The following ZAN variants were observed in gnomAD, a reference collection of about 807,000 sequenced individuals.
ZAN encodes the protein zonadhesin, also known as zonadhesin (gene/pseudogene).
In ZAN, 260 loss-of-function variants were observed where a neutral mutation model predicts 286.2. The ratio of observed to expected loss-of-function variants is 0.91; its 90% CI spans 0.82 to 1.01. The LOEUF is 1.01. ZAN is among the 50% of genes least tolerant of loss of function. The probability of loss-of-function intolerance (pLI) is 0.00; values close to 1 mark genes in which losing one functional copy is unlikely to be tolerated. For missense variants in ZAN, 3,410 were observed against 3,639.2 expected, an observed-to-expected ratio of 0.94 and a Z score of 1.62; for synonymous variants, 1,368 against 1,417.5, an observed-to-expected ratio of 0.97 and a Z score of 0.79.
chr7:100,755,902 T>A (rs538434739), intron 15 of ZAN, among the ~76,000 whole-genome samples: 35 of 152,178 alleles, frequency 2.3e-4, no homozygotes, highest in Non-Finnish European at 3.4e-4. Flanking sequence ...TTTATTTTAT[T>A]TTTTTTGAGG....
At chr7:100,745,723 T>TAA (rs58506423) in intron 7 of ZAN, among the ~76,000 whole-genome samples, 1 of 133,508 alleles carries the variant, frequency 7.5e-6, no homozygotes, top group African/African-American at 2.8e-5. Flanking sequence ...GCCCATCTCT[T>TAA]AAAAAAAAAA....
rs1809788786 is a variant in ZAN at position 100,764,140 on chromosome 7, C to T, written c.4211C>T (p.Thr1404Ile). The T allele has an allele frequency of 6.2e-7, 1 of 1,609,840 alleles. No homozygotes were observed. Among genetic ancestry groups the T allele is most frequent in the African/African-American group, 1.3e-5 (1 of 74,944 alleles). ...TGCACACACATGTCCACCATGACCA[C>T]CACCTGCCAGGACGCAGGCCACGCT... is the stretch of plus-strand genomic sequence containing the variant. ...LLCTHMSTMT[T>I]TCQDAGHAVK... The change falls in exon 22 of 48, where the codon ACC becomes ATC. Residue 1404 changes from threonine (T) to isoleucine (I), a missense_variant. Transcript: ENST00000613979.
chr7:100,792,332 C>A (rs924183758), intron 41 of ZAN, 73 bp from the exon 42 acceptor site: 5 of 1,526,166 alleles, frequency 3.3e-6, no homozygotes, highest in Non-Finnish European at 4.4e-6. Flanking sequence ...GGGTTCCAGG[C>A]TCTCTTCTGC....
chr7:100,784,558 C>T, intron 35 of ZAN, 65 bp from the exon 36 acceptor site: 1 of 1,554,880 alleles, frequency 6.4e-7, no homozygotes, highest in Non-Finnish European at 8.8e-7. Context: ...TTGGTTTGTA[C>T]AGCCCCTGCC....
At chr7:100,764,612 C>G (rs1293483636) in intron 22 of ZAN, among the ~76,000 whole-genome samples, 1 of 151,812 alleles carries the variant, frequency 6.6e-6, no homozygotes, top group Non-Finnish European at 1.5e-5. Context: ...TTGCTTGAAC[C>G]TGGGAGGCGG....
chr7:100,757,769 A>C (rs938230723), intron 15 of ZAN, among the ~76,000 whole-genome samples: 21 of 149,404 alleles, frequency 1.4e-4, no homozygotes, highest in African/African-American at 4.4e-4. Flanking sequence ...AAAAAAAAAA[A>C]AACAAAAAAA....
intron 29 of ZAN, 45 bp downstream of exon 29, chr7:100,772,065 A>G: frequency 6.6e-7 from 1 of 1,505,416 alleles, no homozygotes; most frequent in Non-Finnish European, 8.8e-7. Flanking sequence ...GGCACCCTCC[A>G]GAATTCTGCC....
intron 14 of ZAN, among the ~76,000 whole-genome samples, chr7:100,754,391 A>G (rs1245235599): frequency 1.3e-5 from 2 of 152,048 alleles, no homozygotes; most frequent in African/African-American, 4.8e-5. Flanking sequence ...CCCGGGAGGC[A>G]GAGCTTGCAG....
At chr7:100,779,371 C>T in intron 34 of ZAN, 75 bp from the exon 35 acceptor site, 1 of 1,429,260 alleles carries the variant, frequency 7.0e-7, no homozygotes. Context: ...GAGCAAGACT[C>T]CCCCTAAAGA....
chr7:100,790,242 CA>C (rs1811849313), intron 39 of ZAN, among the ~76,000 whole-genome samples: 1 of 151,940 alleles, frequency 6.6e-6, no homozygotes, highest in South Asian at 2.1e-4. Context: ...CCAGACTGGG[CA>C]ACAGAGCAAG....
At chr7:100,777,905 G>A (rs184520017) in intron 34 of ZAN, among the ~76,000 whole-genome samples, 5 of 152,166 alleles carry the variant, frequency 3.3e-5, no homozygotes, top group Admixed American at 2.0e-4. Context: ...ATTTGAGGGC[G>A]ATGACTTCTG....
intron 42 of ZAN, among the ~76,000 whole-genome samples, chr7:100,793,143 G>A (rs138734729): frequency 5.8e-4 from 88 of 151,862 alleles, no homozygotes; most frequent in Middle Eastern, 6.8e-3. Flanking sequence ...GTTTGAGACC[G>A]GCCTGGGGAA....
At chr7:100,755,064 A>G (rs1584573588) in intron 14 of ZAN, among the ~76,000 whole-genome samples, 162 bp from the exon 15 acceptor site, 1 of 152,092 alleles carries the variant, frequency 6.6e-6, no homozygotes. Flanking sequence ...TGCTGGGATT[A>G]TAGGTGTGAG....
At chr7:100,735,819 AC>A in intron 3 of ZAN, 47 bp downstream of exon 3, 1 of 1,355,882 alleles carries the variant, frequency 7.4e-7, no homozygotes, top group Admixed American at 2.2e-5. Flanking sequence ...CCTCCTCCGA[AC>A]CCACATTCTG....
chr7:100,765,268 C>T, intron 22 of ZAN, 84 bp from the exon 23 acceptor site: 2 of 1,427,842 alleles, frequency 1.4e-6, no homozygotes, highest in Non-Finnish European at 1.9e-6. Flanking sequence ...GGAGCTGGGG[C>T]CCTTCCGAAC....
At chr7:100,750,582 C>T (rs2115800325) in intron 11 of ZAN, 43 bp from the exon 12 acceptor site, 2 of 1,603,762 alleles carry the variant, frequency 1.2e-6, no homozygotes, top group East Asian at 4.5e-5. Context: ...TTGGCATGTC[C>T]TGTGCAGGCT....
chr7:100,759,604 T>C, intron 17 of ZAN, 117 bp from the exon 18 acceptor site: 1 of 1,345,588 alleles, frequency 7.4e-7, no homozygotes, highest in South Asian at 1.5e-5. Context: ...TACTGGACTT[T>C]GGGGCTGGTG....
intron 41 of ZAN, 98 bp from the exon 42 acceptor site, chr7:100,792,307 A>T (rs75379065): frequency 0.23 from 355,279 of 1,514,898 alleles, 44,697 homozygotes; most frequent in Non-Finnish European, 0.25. Context: ...ACACCGACTG[A>T]TGTCTTTCTG....
chr7:100,787,889 A>G lies in ZAN; in HGVS notation c.6980A>G (p.Lys2327Arg), dbSNP rs746295329. The stretch of plus-strand genomic sequence containing the variant: ...TTCTCACTGTCTGACTTCTTGGCAG[A>G]GTCTGAACAATGCTCAGTCTATGGC... ...DNSNSNCVSD[K>R]SEQCSVYGDP... Residue 2327 changes from lysine (K) to arginine (R), a missense_variant and splice_region_variant, in exon 38 of 48, where the codon AAG (lysine) becomes AGG (arginine). Around this residue, in one of 7 missense-constraint regions of ZAN, gnomAD observed 1,289 missense variants for 1,314.3 expected, o/e 0.98. Coordinates refer to ENST00000613979, the MANE Select transcript of ZAN (RefSeq NM_003386.3). 2 of 1,512,306 alleles carry G rather than the reference A, an allele frequency of 1.3e-6. No homozygotes were observed. Among genetic ancestry groups the G allele is most frequent in the South Asian group, 2.5e-5 (2 of 78,494 alleles). 93.7% of individuals were successfully genotyped at this position (1,512,306 alleles called of 1,614,324 possible).
Sources: gnomAD v4.1 joint callset for allele counts (sites outside exome capture counted in the v4.1 genomes callset) on GRCh38, gnomAD v4.1.1 for gene constraint, gnomAD v4.1.1 regional missense constraint, MANE v1.5 for transcripts, NCBI Gene and HGNC (gene_info 2026-07-23, HGNC 2026-07-21) for gene names.